The following FAT3 variants were observed in gnomAD, a reference collection of about 807,000 sequenced individuals.
FAT3 encodes protocadherin Fat 3.
A neutral mutation model predicts 310.2 loss-of-function variants in FAT3; 95 were observed. That is an observed-to-expected ratio of 0.31 (90% CI 0.26 to 0.36). FAT3 has a LOEUF of 0.36. Ranked by LOEUF, FAT3 falls within the 10% of genes least tolerant of loss-of-function variation. FAT3 has a pLI of 1.00. For missense variants in FAT3, 5,408 were observed against 5,715.6 expected, an observed-to-expected ratio of 0.95 and a Z score of 1.74; for synonymous variants, 2,314 against 2,192.9, an observed-to-expected ratio of 1.06 and a Z score of -1.54.
chr11:92,769,166 C>T (rs940356877), intron 6 of FAT3, among the ~76,000 whole-genome samples: 2 of 152,186 alleles, frequency 1.3e-5, no homozygotes, highest in African/African-American at 4.8e-5. Flanking sequence ...TTTCTTGTGC[C>T]TCCAAGGAGA....
chr11:92,270,780 A>G (rs1412908669), intron 1 of FAT3, among the ~76,000 whole-genome samples: 2 of 152,132 alleles, frequency 1.3e-5, no homozygotes, highest in Admixed American at 6.6e-5. Context: ...GAAATATCAT[A>G]TACATACATG....
At chr11:92,766,370 A>T (rs1027019964) in intron 6 of FAT3, among the ~76,000 whole-genome samples, 2 of 152,116 alleles carry the variant, frequency 1.3e-5, no homozygotes, top group Non-Finnish European at 2.9e-5. Context: ...GGTCTGGGGG[A>T]ATCATTTCCT....
At chr11:92,822,508 G>C (rs1346922554) in intron 13 of FAT3, among the ~76,000 whole-genome samples, 1 of 152,170 alleles carries the variant, frequency 6.6e-6, no homozygotes, top group Non-Finnish European at 1.5e-5. Flanking sequence ...TTGAGGCTTT[G>C]TGAAATGTGC....
At chr11:92,377,152 C>T (rs1229653072) in intron 2 of FAT3, among the ~76,000 whole-genome samples, 2 of 152,182 alleles carry the variant, frequency 1.3e-5, no homozygotes, top group Non-Finnish European at 2.9e-5. Flanking sequence ...CATGGGAACA[C>T]ATGTTTATGA....
intron 4 of FAT3, among the ~76,000 whole-genome samples, chr11:92,717,062 C>T (rs543842565): frequency 7.2e-5 from 11 of 152,230 alleles, no homozygotes; most frequent in Admixed American, 7.2e-4. Flanking sequence ...TAATAACAAC[C>T]ACCTTATCGG....
intron 3 of FAT3, among the ~76,000 whole-genome samples, chr11:92,585,317 T>G (rs1305052565): frequency 6.6e-6 from 1 of 151,996 alleles, no homozygotes; most frequent in African/African-American, 2.4e-5. Context: ...CAGGACATCT[T>G]AAGGTAAAAA....
At chr11:92,304,784 G>A (rs1947079942) in intron 1 of FAT3, among the ~76,000 whole-genome samples, 1 of 152,076 alleles carries the variant, frequency 6.6e-6, no homozygotes, top group Admixed American at 6.6e-5. Context: ...TGGGGTCCAA[G>A]AATAAATGGG....
chr11:92,730,839 T>C (rs1565547391), intron 4 of FAT3, among the ~76,000 whole-genome samples: 2 of 152,362 alleles, frequency 1.3e-5, no homozygotes, highest in African/African-American at 4.8e-5. Context: ...AGACTATTTT[T>C]AATCATGTAG....
intron 2 of FAT3, among the ~76,000 whole-genome samples, chr11:92,407,872 G>A (rs971219065): frequency 7.2e-5 from 11 of 152,092 alleles, no homozygotes; most frequent in African/African-American, 2.7e-4. Flanking sequence ...TCACTAATAA[G>A]GAGACAATAA....
At chr11:92,475,056 A>C (rs950458547) in intron 2 of FAT3, among the ~76,000 whole-genome samples, 3 of 152,082 alleles carry the variant, frequency 2.0e-5, no homozygotes, top group Admixed American at 2.0e-4. Context: ...ACCTTGACAC[A>C]ATGGCGGTTT....
chr11:92,489,027 T>A lies in FAT3; in HGVS notation c.3293-35607T>A, dbSNP rs1952518671. ...ACCTAGGAGAGTCAAATAAGGTAAG[T>A]GCATAGTACTATGCCTGGTGAGTAA... On this transcript the variant is annotated intron_variant, in intron 2 of 27. Transcript: ENST00000525166. Among the ~76,000 whole-genome samples the A allele has an allele frequency of 2.0e-5, 3 of 152,264 alleles. No homozygotes were observed. In the South Asian group the frequency reaches 6.2e-4, roughly 32 times the overall value.
intron 2 of FAT3, among the ~76,000 whole-genome samples, chr11:92,394,029 C>T (rs72970593): frequency 0.017 from 2,642 of 152,274 alleles, 33 homozygotes; most frequent in Non-Finnish European, 0.026. Flanking sequence ...ACTGCATCTC[C>T]TATTCCTTTC....
chr11:92,638,985 A>G (rs11020032), intron 3 of FAT3, among the ~76,000 whole-genome samples: 1 of 152,196 alleles, frequency 6.6e-6, no homozygotes, highest in East Asian at 1.9e-4. Context: ...TACAAGCATA[A>G]TCAGCCCATT....
At position 92,553,675 on chromosome 11, in the gene FAT3, C is replaced by CCTTCCTTCCTT. The variant is rs1954898483; in HGVS notation, c.3607+28728_3607+28729insTTCCTTCCTTC. 2.9e-3 allele frequency among the ~76,000 whole-genome samples: 310 copies of CCTTCCTTCCTT among 108,356 alleles called. 1 individual carries two copies. The highest frequency in any genetic ancestry group is 8.7e-3 in the African/African-American group (286 of 33,026). 71.1% of individuals were successfully genotyped at this position (108,356 alleles called of 152,430 possible). A position where few individuals can be genotyped will look rare whatever the true frequency, so the allele number is the denominator to read the frequency against. ...TAGACATAAATTCTAGAATCTCCGT[C>CCTTCCTTCCTT]CCTTCCTTCCTTCCTTCCTTCCTTC... is the stretch of plus-strand genomic sequence containing the variant. On this transcript the variant is annotated intron_variant, in intron 3 of 27. Coordinates refer to ENST00000525166, the MANE Select transcript of FAT3 (RefSeq NM_001367949.2).
intron 1 of FAT3, among the ~76,000 whole-genome samples, chr11:92,245,974 T>C (rs1451448270): frequency 1.1e-4 from 17 of 152,086 alleles, no homozygotes. Context: ...AATGAAAGCA[T>C]GCGTCACTCT....
rs202221062 is a variant in FAT3, at chr11:92,447,201, A to ATATATG, written c.3293-77430_3293-77429insATGTAT. ...TGTGTGTGTATATGTGTGTTCATATATATGTGTATGTATATGTGTGCGTGT... is the reference window on the plus strand; with the variant it reads ...TGTGTGTGTATATGTGTGTTCATATATATATGTATGTGTATGTATATGTGTGCGTGT... On this transcript the variant is annotated intron_variant, in intron 2 of 27. Transcript: ENST00000525166. Among the ~76,000 whole-genome samples the ATATATG allele has an allele frequency of 3.6e-4, 53 of 147,130 alleles. 1 individual carries two copies. Among genetic ancestry groups the ATATATG allele is most frequent in the African/African-American group, 1.3e-3 (51 of 39,922 alleles).
intron 23 of FAT3, 22 bp from the exon 24 acceptor site, chr11:92,882,716 A>AG (rs779448212): frequency 6.4e-6 from 10 of 1,574,268 alleles, no homozygotes; most frequent in South Asian, 6.0e-5. Context: ...GACGGTGGGG[A>AG]GGGGCTTCTG....
chr11:92,845,003 G>A (rs11020079), intron 19 of FAT3, among the ~76,000 whole-genome samples: 49,382 of 152,060 alleles, frequency 0.32, 8,981 homozygotes, highest in South Asian at 0.55. Flanking sequence ...GGACCCAGCC[G>A]ATAGGGATTT....
At chr11:92,242,657 A>G (rs1243496730) in intron 1 of FAT3, among the ~76,000 whole-genome samples, 2 of 151,996 alleles carry the variant, frequency 1.3e-5, no homozygotes, top group Non-Finnish European at 2.9e-5. Context: ...AGAAAAATTG[A>G]TATTGCTGTA....
Sources: allele counts gnomAD v4.1 joint callset (sites outside exome capture counted in the v4.1 genomes callset), GRCh38; gene constraint gnomAD v4.1.1; transcripts MANE v1.5; gene names NCBI Gene and HGNC (gene_info 2026-07-23, HGNC 2026-07-21).